Variants in TMEM106B observed in about 807,000 individuals in gnomAD.
The protein encoded by TMEM106B is transmembrane protein 106B.
TMEM106B carries 15 observed loss-of-function variants against 31.1 expected under a neutral mutation model. That is an observed-to-expected ratio of 0.48 (90% CI 0.32 to 0.74). The LOEUF is 0.74. Among genes scored for constraint, TMEM106B ranks in the 30% least tolerant of loss-of-function variants. The pLI, the probability that TMEM106B is intolerant of heterozygous loss-of-function variation, is 0.03. For synonymous variants in TMEM106B, 126 were observed against 112.5 expected (o/e 1.12, Z -0.76); for missense variants, 283 against 327.3 (o/e 0.86, Z 1.04).
intron 4 of TMEM106B, among the ~76,000 whole-genome samples, chr7:12,226,657 A>G (rs551753097): frequency 6.6e-5 from 10 of 151,902 alleles, no homozygotes; most frequent in African/African-American, 2.4e-4. Flanking sequence ...GTGAAATGGA[A>G]TGGTATGTTA....
chr7:12,227,085 T>C (rs61225336), intron 4 of TMEM106B, among the ~76,000 whole-genome samples: 23,701 of 152,060 alleles, frequency 0.16, 2,305 homozygotes, highest in African/African-American at 0.28. Flanking sequence ...TTTAAGTAAT[T>C]ATGCAGAAAT....
At position 12,220,788 on chromosome 7, in the gene TMEM106B, G is replaced by A. The variant is rs150890047; in HGVS notation, c.281+2267G>A. ...GTCAAATATAGTAAATGGTATTTGCGCAAATTATTTATTGTGCCAATGTTT... is the reference window on the plus strand; with the variant it reads ...GTCAAATATAGTAAATGGTATTTGCACAAATTATTTATTGTGCCAATGTTT... On this transcript the variant is annotated intron_variant, in intron 3 of 7. Transcript: ENST00000396668. 1.4e-4 allele frequency among the ~76,000 whole-genome samples: 22 copies of A among 152,162 alleles called. No homozygotes were observed. The East Asian group carries it at 3.1e-3, about 21-fold the overall frequency.
At position 12,214,845 on chromosome 7, in the gene TMEM106B, C is replaced by T. The variant is rs1363954184; in HGVS notation, c.35C>T (p.Ser12Leu). The T allele has an allele frequency of 6.2e-7, 1 of 1,613,298 alleles. No homozygotes were observed. The highest frequency in any genetic ancestry group is 8.5e-7 in the Non-Finnish European group (1 of 1,179,692). Residue 12 changes from serine (S) to leucine (L), a missense_variant, in exon 2 of 8, where the codon TCA becomes TTA. Ser to Leu is a moderately radical substitution (Grantham distance 145). Around this residue, in one of 3 missense-constraint regions of TMEM106B, gnomAD observed 77 missense variants for 89.4 expected, o/e 0.86. Transcript: ENST00000396668. ...GKSLSHLPLHSSKEDAYDGVT... is the reference protein window; with the variant it reads ...GKSLSHLPLHLSKEDAYDGVT... ...TCTCTTTCTCATTTGCCTTTGCATT[C>T]AAGCAAAGAAGATGCTTATGATGGA... is the stretch of plus-strand genomic sequence containing the variant.
Position 12,236,193 on chromosome 7 carries a change from T to C in TMEM106B, c.*4218T>C, listed in dbSNP as rs1782131908. 6.6e-6 allele frequency: 1 copy of C among 151,920 alleles called. No homozygotes were observed. The highest frequency in any genetic ancestry group is 1.5e-5 in the Non-Finnish European group (1 of 67,856). 9.4% of individuals were successfully genotyped at this position (151,920 alleles called of 1,614,324 possible). Reference sequence around the variant, plus strand: ...CTTAAATTTCTGACTAGAACTAACATTTGTGTATTTTTGTGCTTAGTCGGA... The same window carrying C: ...CTTAAATTTCTGACTAGAACTAACACTTGTGTATTTTTGTGCTTAGTCGGA... On this transcript the variant is annotated 3_prime_UTR_variant, in exon 8 of 8. Transcript: ENST00000396668.
intron 4 of TMEM106B, among the ~76,000 whole-genome samples, 153 bp from the exon 5 acceptor site, chr7:12,229,525 AC>A (rs1324008467): frequency 6.6e-6 from 1 of 152,132 alleles, no homozygotes; most frequent in Non-Finnish European, 1.5e-5. Context: ...CGTGCATAAA[AC>A]CAAATAATTG....
Position 12,242,956 on chromosome 7 carries a change from A to G in TMEM106B, c.*10981A>G, listed in dbSNP as rs114330614. ...CCTATACTAGAACATAGTAAACATG[A>G]GAACAGGGAATCTTGGTTATTAATT... On this transcript the variant is annotated 3_prime_UTR_variant, in exon 8 of 8. Coordinates refer to ENST00000396668, the MANE Select transcript of TMEM106B (RefSeq NM_001134232.2). The G allele has an allele frequency of 3.2e-3, 493 of 152,266 alleles. 4 individuals are homozygous for G. The highest frequency in any genetic ancestry group is 0.011 in the African/African-American group (468 of 41,574). The allele number at this position is 152,266 out of a possible 1,614,324, so 9.4% of individuals were successfully genotyped here. A position where few individuals can be genotyped will look rare whatever the true frequency, so the allele number is the denominator to read the frequency against.
rs181333546 is a variant in TMEM106B at position 12,231,143 on chromosome 7, T to C, written c.686+28T>C. On this transcript the variant is annotated intron_variant, in intron 7 of 7. Coordinates refer to ENST00000396668, the MANE Select transcript of TMEM106B (RefSeq NM_001134232.2). ...AAGTACAAATCTTTTTTGAAAGAGA[T>C]TTTGCTTGTTAACATTTTGGATTTA... The C allele has an allele frequency of 4.1e-4, 630 of 1,548,154 alleles. 7 individuals are homozygous for C. The East Asian group carries it at 0.011, about 27-fold the overall frequency.
rs1195795049 is a variant in TMEM106B at position 12,234,079 on chromosome 7, A to G, written c.*2104A>G. Reference sequence around the variant, plus strand: ...ATGTCCCATTTACTTTATTATCACCATTCATTTCTTCAAAATTATCTTTTA... The same window carrying G: ...ATGTCCCATTTACTTTATTATCACCGTTCATTTCTTCAAAATTATCTTTTA... On this transcript the variant is annotated 3_prime_UTR_variant, in exon 8 of 8. Transcript: ENST00000396668. 3 of 151,772 alleles carry G rather than the reference A, an allele frequency of 2.0e-5. No homozygotes were observed. Among genetic ancestry groups the G allele is most frequent in the African/African-American group, 7.2e-5 (3 of 41,420 alleles). The allele number at this position is 151,772 out of a possible 1,614,324, so 9.4% of individuals were successfully genotyped here.
Position 12,239,377 on chromosome 7 carries a change from G to A in TMEM106B, c.*7402G>A, listed in dbSNP as rs1446692362. 2 of 152,064 alleles carry A rather than the reference G, an allele frequency of 1.3e-5. No individual in the cohort carries two copies. The highest frequency in any genetic ancestry group is 2.1e-4 in the South Asian group (1 of 4,830). 9.4% of individuals were successfully genotyped at this position (152,064 alleles called of 1,614,324 possible). A position where few individuals can be genotyped will look rare whatever the true frequency, so the allele number is the denominator to read the frequency against. On this transcript the variant is annotated 3_prime_UTR_variant, in exon 8 of 8. Coordinates refer to ENST00000396668, the MANE Select transcript of TMEM106B (RefSeq NM_001134232.2). ...AAACCACTAAAACATTCCCATATCG[G>A]CAATAAGGCTGTTTGATTTTCTTAT...
In TMEM106B at chr7:12,242,552, AT is replaced by A. The variant is rs1350523485; in HGVS notation, c.*10582del. 6.6e-6 allele frequency: 1 copy of A among 152,072 alleles called. No individual in the cohort carries two copies. Among genetic ancestry groups the A allele is most frequent in the Non-Finnish European group, 1.5e-5 (1 of 68,008 alleles). The allele number at this position is 152,072 out of a possible 1,614,324, so 9.4% of individuals were successfully genotyped here. ...AAAGTTAAGATTAAGGTTAAATCAC[AT>A]TTTTCACAGAGAGTGTTTTACTGAA... On this transcript the variant is annotated 3_prime_UTR_variant, in exon 8 of 8. Transcript: ENST00000396668.
Position 12,212,568 on chromosome 7 carries a change from GTTTA to G in TMEM106B, c.-3+1147_-3+1150del, listed in dbSNP as rs766692332. On this transcript the variant is annotated intron_variant, in intron 1 of 7. Transcript: ENST00000396668. ...CCATTTGTATAGTTTTTTAAATTCT[GTTTA>G]TTTGAGTGACAGCAACAAGTGGATG... Among the ~76,000 whole-genome samples the G allele has an allele frequency of 3.1e-4, 46 of 150,336 alleles. 1 individual carries two copies. The highest frequency in any genetic ancestry group is 4.7e-4 in the African/African-American group (19 of 40,822).
chr7:12,241,807 G>C lies in TMEM106B; in HGVS notation c.*9832G>C, dbSNP rs1782241965. 1 of 152,138 alleles carries C rather than the reference G, an allele frequency of 6.6e-6. No individual in the cohort carries two copies. Among genetic ancestry groups the C allele is most frequent in the Non-Finnish European group, 1.5e-5 (1 of 68,028 alleles). The allele number at this position is 152,138 out of a possible 1,614,324, so 9.4% of individuals were successfully genotyped here. On this transcript the variant is annotated 3_prime_UTR_variant, in exon 8 of 8. Transcript: ENST00000396668. ...GGGTCAAATGGTATTTCTGGTTCTA[G>C]ATCCTTGAGGAATCACCACACTGTC...
Position 12,224,488 on chromosome 7 carries a change from G to A in TMEM106B, c.441+103G>A, listed in dbSNP as rs1311777690. 11 of 910,430 alleles carry A rather than the reference G, an allele frequency of 1.2e-5. No individual in the cohort carries two copies. The East Asian group carries it at 2.9e-4, about 24-fold the overall frequency. The allele number at this position is 910,430 out of a possible 1,614,324, so 56.4% of individuals were successfully genotyped here. On this transcript the variant is annotated intron_variant, in intron 4 of 7. Coordinates refer to ENST00000396668, the MANE Select transcript of TMEM106B (RefSeq NM_001134232.2). ...AGAGATGTTTGTTAAATGTGACACT[G>A]GTCAGTGTGCTTTCTGTATGTCTTT...
intron 3 of TMEM106B, among the ~76,000 whole-genome samples, chr7:12,223,432 A>G (rs1334818687): frequency 6.6e-6 from 1 of 152,094 alleles, no homozygotes; most frequent in Non-Finnish European, 1.5e-5. Flanking sequence ...CCATCAACCC[A>G]TCCCCTAGGT....
chr7:12,224,431 C>G (rs747455351), intron 4 of TMEM106B, 46 bp downstream of exon 4: 2 of 1,512,640 alleles, frequency 1.3e-6, no homozygotes, highest in Middle Eastern at 1.7e-4. Context: ...ATTCTTTTAT[C>G]CTATTAAGCA....
In TMEM106B at chr7:12,233,380, C is replaced by T. The variant is rs1164163025; in HGVS notation, c.*1405C>T. On this transcript the variant is annotated 3_prime_UTR_variant, in exon 8 of 8. Transcript: ENST00000396668. ...TTTTCTCATGACAGAAATCAGGTTTCCCTTTCCCCACCCCTAAGTGCCTAA... is the reference window on the plus strand; with the variant it reads ...TTTTCTCATGACAGAAATCAGGTTTTCCTTTCCCCACCCCTAAGTGCCTAA... 1 of 151,264 alleles carries T rather than the reference C, an allele frequency of 6.6e-6. No homozygotes were observed. The highest frequency in any genetic ancestry group is 1.5e-5 in the Non-Finnish European group (1 of 67,610). The allele number at this position is 151,264 out of a possible 1,614,324, so 9.4% of individuals were successfully genotyped here. A position where few individuals can be genotyped will look rare whatever the true frequency, so the allele number is the denominator to read the frequency against.
Position 12,231,989 on chromosome 7 carries a change from T to G in TMEM106B, c.*14T>G. 1 of 1,607,324 alleles carries G rather than the reference T, an allele frequency of 6.2e-7. No homozygotes were observed. Among genetic ancestry groups the G allele is most frequent in the Non-Finnish European group, 8.5e-7 (1 of 1,175,398 alleles). The stretch of plus-strand genomic sequence containing the variant: ...CCACAACAGTAAAAACTGGAAGAGA[T>G]GGATTTAAAGAAGAAATATCTATTG... On this transcript the variant is annotated 3_prime_UTR_variant, in exon 8 of 8. Transcript: ENST00000396668.
chr7:12,217,111 C>T (rs1031011922), intron 2 of TMEM106B, among the ~76,000 whole-genome samples: 5 of 151,650 alleles, frequency 3.3e-5, no homozygotes, highest in South Asian at 4.1e-4. Context: ...ATTGGTAATT[C>T]GGGAGATAAG....
chr7:12,223,900 T>C (rs930079301), intron 3 of TMEM106B, among the ~76,000 whole-genome samples: 3 of 151,898 alleles, frequency 2.0e-5, no homozygotes, highest in Non-Finnish European at 4.4e-5. Context: ...TTTGTGTTTT[T>C]AGTAGAGATG....
Sources: allele counts gnomAD v4.1 joint callset (sites outside exome capture counted in the v4.1 genomes callset), GRCh38; gene constraint gnomAD v4.1.1; regional missense constraint gnomAD v4.1.1; transcripts MANE v1.5; gene names NCBI Gene and HGNC (gene_info 2026-07-23, HGNC 2026-07-21).